Variants in DPP10 observed in about 807,000 individuals in gnomAD.
DPP10 encodes inactive dipeptidyl peptidase 10.
Under a neutral mutation model 120.9 loss-of-function variants are expected in DPP10, and 33 were observed. The ratio of observed to expected loss-of-function variants is 0.27; its 90% CI spans 0.21 to 0.37. The LOEUF (loss-of-function observed/expected upper bound fraction) is 0.37, where lower values mean the gene tolerates loss of function less well. DPP10 is among the 10% of genes least tolerant of loss of function. The pLI is 1.00. For missense variants in DPP10, 816 were observed against 942.8 expected (o/e 0.87, Z 1.76); for synonymous variants, 337 against 326.1 (o/e 1.03, Z -0.36).
rs563048794 is a variant in DPP10, at chr2:115,640,165, C to A, written c.442-49522C>A. Among the ~76,000 whole-genome samples the A allele has an allele frequency of 1.2e-3, 188 of 152,048 alleles. 1 individual carries two copies. Among genetic ancestry groups the A allele is most frequent in the African/African-American group, 4.4e-3 (183 of 41,510 alleles). On this transcript the variant is annotated intron_variant, in intron 5 of 25. Coordinates refer to ENST00000410059, the MANE Select transcript of DPP10 (RefSeq NM_020868.6). ...GCTTGCTAAACATTCATCAGTGAGA[C>A]CCCTCAGGGAAGGAAAAGTAATACT...
intron 1 of DPP10, among the ~76,000 whole-genome samples, chr2:114,450,791 A>G (rs529396995): frequency 3.3e-5 from 5 of 152,182 alleles, no homozygotes; most frequent in African/African-American, 1.2e-4. Flanking sequence ...CCTGTGACCA[A>G]ACAGAGACAA....
intron 1 of DPP10, among the ~76,000 whole-genome samples, chr2:114,741,565 A>G (rs1436685110): frequency 6.6e-6 from 1 of 152,174 alleles, no homozygotes; most frequent in African/African-American, 2.4e-5. Context: ...GTGTTCCCCA[A>G]AAAGATTTTT....
chr2:114,519,682 C>T (rs530655713), intron 1 of DPP10, among the ~76,000 whole-genome samples: 1 of 152,332 alleles, frequency 6.6e-6, no homozygotes, highest in Admixed American at 6.5e-5. Context: ...TTCCATCTTT[C>T]CTCAAACAAC....
chr2:114,594,988 TCTC>T (rs1230002669), intron 1 of DPP10, among the ~76,000 whole-genome samples: 1 of 150,828 alleles, frequency 6.6e-6, no homozygotes, highest in Non-Finnish European at 1.5e-5. Context: ...TCCAGATTAT[TCTC>T]TCTTGGTGTT....
At chr2:115,033,289 T>C (rs913699595) in intron 1 of DPP10, among the ~76,000 whole-genome samples, 5 of 152,168 alleles carry the variant, frequency 3.3e-5, no homozygotes, top group African/African-American at 9.7e-5. Context: ...CGCTTTGTTA[T>C]ATAAACCGAG....
intron 2 of DPP10, among the ~76,000 whole-genome samples, chr2:115,326,931 A>C (rs2062401476): frequency 6.6e-6 from 1 of 152,040 alleles, no homozygotes; most frequent in Non-Finnish European, 1.5e-5. Context: ...TAGACTGTGC[A>C]GTGCTTATAA....
chr2:114,739,791 A>T (rs1164588603), intron 1 of DPP10, among the ~76,000 whole-genome samples: 3 of 152,156 alleles, frequency 2.0e-5, no homozygotes, highest in African/African-American at 7.2e-5. Flanking sequence ...TGTTATTTTC[A>T]AACTAAGAGC....
At chr2:115,183,749 G>T (rs1198577368) in intron 1 of DPP10, among the ~76,000 whole-genome samples, 4 of 152,100 alleles carry the variant, frequency 2.6e-5, no homozygotes, top group Non-Finnish European at 5.9e-5. Flanking sequence ...TAGACTTTTG[G>T]TATATAACTC....
At chr2:115,249,163 C>T (rs886117827) in intron 1 of DPP10, among the ~76,000 whole-genome samples, 6 of 152,014 alleles carry the variant, frequency 3.9e-5, no homozygotes, top group African/African-American at 7.2e-5. Context: ...TGCACTGTGG[C>T]GATACACAGA....
chr2:114,810,474 C>A (rs12473410), intron 1 of DPP10, among the ~76,000 whole-genome samples: 1 of 152,040 alleles, frequency 6.6e-6, no homozygotes, highest in African/African-American at 2.4e-5. Flanking sequence ...AATAAATAAG[C>A]CTTGGGCCAA....
chr2:114,630,146 C>T (rs1239082399), intron 1 of DPP10, among the ~76,000 whole-genome samples: 1 of 151,968 alleles, frequency 6.6e-6, no homozygotes, highest in Non-Finnish European at 1.5e-5. Flanking sequence ...CTCTAGTGCT[C>T]TATATTTTAT....
intron 3 of DPP10, among the ~76,000 whole-genome samples, chr2:115,359,996 C>A (rs866785095): frequency 6.6e-6 from 1 of 152,142 alleles, no homozygotes; most frequent in African/African-American, 2.4e-5. Flanking sequence ...CTTGTGTTGT[C>A]TTTCTACTCT....
At chr2:115,456,428 A>G in intron 3 of DPP10, among the ~76,000 whole-genome samples, 1 of 152,200 alleles carries the variant, frequency 6.6e-6, no homozygotes, top group East Asian at 1.9e-4. Context: ...TAGAACTAGA[A>G]ATACCATTTG....
chr2:115,778,929 C>A (rs756457391), intron 15 of DPP10, among the ~76,000 whole-genome samples: 1 of 152,072 alleles, frequency 6.6e-6, no homozygotes, highest in Non-Finnish European at 1.5e-5. Context: ...GATTCGGGAT[C>A]TTGATCAAAG....
At chr2:114,493,974 T>A (rs1291431135) in intron 1 of DPP10, among the ~76,000 whole-genome samples, 2 of 152,118 alleles carry the variant, frequency 1.3e-5, no homozygotes, top group Non-Finnish European at 2.9e-5. Context: ...TATTTTCATT[T>A]ATGTTTCTGT....
intron 1 of DPP10, among the ~76,000 whole-genome samples, chr2:114,740,636 C>G (rs923569115): frequency 6.6e-6 from 1 of 152,104 alleles, no homozygotes; most frequent in South Asian, 2.1e-4. Context: ...TGGGCTATCC[C>G]CTTCCAATAA....
chr2:115,075,194 A>G (rs952554412), intron 1 of DPP10, among the ~76,000 whole-genome samples: 7 of 152,244 alleles, frequency 4.6e-5, no homozygotes, highest in Non-Finnish European at 8.8e-5. Context: ...TTGACTGCTG[A>G]TCACATTGGT....
intron 3 of DPP10, among the ~76,000 whole-genome samples, chr2:115,463,133 A>T (rs1282962765): frequency 1.3e-5 from 2 of 152,182 alleles, no homozygotes; most frequent in Non-Finnish European, 2.9e-5. Context: ...GCATTTGGAA[A>T]TTACTCATAT....
chr2:114,447,001 G>A (rs1677980692), intron 1 of DPP10, among the ~76,000 whole-genome samples: 1 of 151,814 alleles, frequency 6.6e-6, no homozygotes, highest in South Asian at 2.1e-4. Context: ...AGATGGCTTG[G>A]AACTACAGCA....
Sources: allele counts gnomAD v4.1 joint callset (sites outside exome capture counted in the v4.1 genomes callset), GRCh38; gene constraint gnomAD v4.1.1; transcripts MANE v1.5; gene names NCBI Gene and HGNC (gene_info 2026-07-23, HGNC 2026-07-21).